The following TPO variants were observed in gnomAD, a reference collection of about 807,000 sequenced individuals.
The protein encoded by TPO is thyroid peroxidase, also known as thyroid microsomal antigen.
Under a neutral mutation model 96.9 loss-of-function variants are expected in TPO, and 78 were observed. That is an observed-to-expected ratio of 0.81 (90% confidence interval 0.67 to 0.97). The LOEUF (loss-of-function observed/expected upper bound fraction) is 0.97. TPO is among the 50% of genes least tolerant of loss of function. The pLI is 0.00. For missense variants in TPO, 1,252 were observed against 1,274.8 expected (o/e 0.98, Z 0.27); for synonymous variants, 547 against 538.0 (o/e 1.02, Z -0.23).
At chr2:1,514,871 G>A (rs1674520812) in intron 14 of TPO, among the ~76,000 whole-genome samples, 1 of 152,230 alleles carries the variant, frequency 6.6e-6, no homozygotes, top group Non-Finnish European at 1.5e-5. Flanking sequence ...ACATGGAGCT[G>A]CTTACGTCCC....
At chr2:1,515,048 A>G (rs1275837393) in intron 14 of TPO, among the ~76,000 whole-genome samples, 1 of 152,180 alleles carries the variant, frequency 6.6e-6, no homozygotes, top group Non-Finnish European at 1.5e-5. Context: ...TCTCAGAACC[A>G]AATCCAGCCG....
chr2:1,471,699 C>T (rs916074614), intron 7 of TPO, among the ~76,000 whole-genome samples: 1 of 152,246 alleles, frequency 6.6e-6, no homozygotes, highest in East Asian at 1.9e-4. Context: ...ATTTGACTCC[C>T]AAATGTTGAT....
At chr2:1,442,073 C>T (rs1343434040) in intron 5 of TPO, among the ~76,000 whole-genome samples, 1 of 152,214 alleles carries the variant, frequency 6.6e-6, no homozygotes, top group Admixed American at 6.5e-5. Flanking sequence ...TTTCTGCCTG[C>T]CGCCATCCAT....
chr2:1,455,983 G>A, intron 6 of TPO, 93 bp from the exon 7 acceptor site: 1 of 1,319,492 alleles, frequency 7.6e-7, no homozygotes. Context: ...CTGTGAACAA[G>A]AACCACACCA....
chr2:1,478,284 TC>T (rs1402635176), intron 8 of TPO: 1 of 985,326 alleles, frequency 1.0e-6, no homozygotes, highest in Non-Finnish European at 1.2e-6. Context: ...TCTAGGGGTC[TC>T]ACAGGTTGTT....
rs778544908 is a variant in TPO, at chr2:1,493,829, G to A, written c.1796G>A (p.Gly599Asp). The change falls in exon 11 of 17, where the codon GGC becomes GAC. Residue 599 changes from glycine to aspartate, a missense_variant. Gly to Asp is a moderately conservative substitution (Grantham distance 94). Coordinates refer to ENST00000329066, the MANE Select transcript of TPO (RefSeq NM_001206744.2). ...TACAATGAGTGGAGGGAGTTCTGCG[G>A]CCTGCCTCGCCTGGAGACCCCCGCT... The part of the protein sequence containing the change: ...PGYNEWREFC[G>D]LPRLETPADL... 6.8e-6 allele frequency: 11 copies of A among 1,614,100 alleles called. No individual in the cohort carries two copies. The South Asian group carries it at 1.2e-4, about 18-fold the overall frequency.
chr2:1,448,423 C>T (rs1422759062), intron 5 of TPO, among the ~76,000 whole-genome samples: 2 of 152,180 alleles, frequency 1.3e-5, no homozygotes, highest in East Asian at 3.9e-4. Flanking sequence ...GAGTCACTTC[C>T]GTGACTCTCT....
chr2:1,496,133 C>CTT lies in TPO; in HGVS notation c.2153_2154dup (p.Glu719LeufsTer10), dbSNP rs1672307870. The CTT allele has an allele frequency of 6.2e-7, 1 of 1,614,026 alleles. No homozygotes were observed. The highest frequency in any genetic ancestry group is 8.5e-7 in the Non-Finnish European group (1 of 1,180,032). ...TCCAAGTCGGCAAATTCCCCGAAGA[C>CTT]TTTGAGTCTTGTGACAGCATCACTG... On this transcript the variant is annotated frameshift_variant, in exon 12 of 17. Coordinates refer to ENST00000329066, the MANE Select transcript of TPO (RefSeq NM_001206744.2). LOFTEE classifies it high-confidence loss of function.
In TPO at chr2:1,493,209, T is replaced by TTG. The variant is rs1553321276; in HGVS notation, c.1769-593_1769-592insTG. ...ATTTGTGTGTGTGTGTGTGAGTGGG[T>TTG]GGGGGGGGGGGTGCTGGCTTCTGTG... On this transcript the variant is annotated intron_variant, in intron 10 of 16. Transcript: ENST00000329066. Among the ~76,000 whole-genome samples, 128 of 17,532 alleles carry TTG rather than the reference T, an allele frequency of 7.3e-3. 1 individual carries two copies. Among genetic ancestry groups the TTG allele is most frequent in the Middle Eastern group, 0.029 (1 of 34 alleles). 11.5% of individuals were successfully genotyped at this position (17,532 alleles called of 152,430 possible).
intron 9 of TPO, among the ~76,000 whole-genome samples, chr2:1,485,264 C>T (rs1483217634): frequency 6.6e-6 from 1 of 152,094 alleles, no homozygotes; most frequent in Non-Finnish European, 1.5e-5. Flanking sequence ...CATAGTATTC[C>T]TTGGTGTATA....
At chr2:1,407,297 G>A (rs1207128933) in intron 1 of TPO, among the ~76,000 whole-genome samples, 1 of 152,160 alleles carries the variant, frequency 6.6e-6, no homozygotes, top group Non-Finnish European at 1.5e-5. Flanking sequence ...TGGGGAAAGT[G>A]CCAAAACCTG....
rs570731709 is a variant in TPO, at chr2:1,542,586, C to A, written c.*112C>A. 17 of 1,565,224 alleles carry A rather than the reference C, an allele frequency of 1.1e-5. No homozygotes were observed. Among genetic ancestry groups the A allele is most frequent in the South Asian group, 3.5e-5 (3 of 85,246 alleles). ...CAGCAGGACGACTGTTTTCCCAACA[C>A]GGGTAAATCTAGTACCATGTCGTAG... On this transcript the variant is annotated 3_prime_UTR_variant, in exon 17 of 17. Coordinates refer to ENST00000329066, the MANE Select transcript of TPO (RefSeq NM_001206744.2).
intron 13 of TPO, chr2:1,503,744 G>A (rs921631831): frequency 1.9e-5 from 17 of 904,100 alleles, no homozygotes; most frequent in Admixed American, 4.0e-5. Flanking sequence ...CTCAGAGCCC[G>A]TGGCCAGCGC....
chr2:1,402,074 T>G (rs1039638392), intron 1 of TPO, among the ~76,000 whole-genome samples: 41 of 152,136 alleles, frequency 2.7e-4, no homozygotes, highest in African/African-American at 9.2e-4. Context: ...TGCACAGACT[T>G]CAGGATGAAA....
At chr2:1,437,370 A>G (rs1402489714) in intron 5 of TPO, among the ~76,000 whole-genome samples, 5 of 152,150 alleles carry the variant, frequency 3.3e-5, no homozygotes, top group Non-Finnish European at 7.3e-5. Flanking sequence ...CAGGCAGCAA[A>G]GGTGCTTAGC....
intron 1 of TPO, among the ~76,000 whole-genome samples, chr2:1,385,808 G>A (rs1465517764): frequency 6.6e-6 from 1 of 151,748 alleles, no homozygotes; most frequent in Non-Finnish European, 1.5e-5. Context: ...GTGATGTTAG[G>A]GTGTCAATTT....
At chr2:1,385,727 G>A (rs1384756240) in intron 1 of TPO, among the ~76,000 whole-genome samples, 2 of 151,528 alleles carry the variant, frequency 1.3e-5, no homozygotes, top group Non-Finnish European at 1.5e-5. Context: ...GTTCTGCTCT[G>A]ATCTTAGTTA....
rs1673174076 is a variant in TPO at position 1,504,186 on chromosome 2, G to T, written c.2518+107G>T. Reference sequence around the variant, plus strand: ...TGTCAATCACCATCTTGATTGGGAAGGGCGGAGATGAATAAGACACCAAGC... The same window carrying T: ...TGTCAATCACCATCTTGATTGGGAATGGCGGAGATGAATAAGACACCAAGC... On this transcript the variant is annotated intron_variant, in intron 14 of 16. Transcript: ENST00000329066. 3 of 1,583,958 alleles carry T rather than the reference G, an allele frequency of 1.9e-6. No homozygotes were observed. The East Asian group carries it at 6.7e-5, about 35-fold the overall frequency.
At chr2:1,453,174 C>T (rs1667465351) in intron 5 of TPO, among the ~76,000 whole-genome samples, 1 of 152,126 alleles carries the variant, frequency 6.6e-6, no homozygotes, top group Non-Finnish European at 1.5e-5. Context: ...TTTGACAACC[C>T]GCTCACTTCT....
Sources: gnomAD v4.1 joint callset for allele counts (sites outside exome capture counted in the v4.1 genomes callset) on GRCh38, gnomAD v4.1.1 for gene constraint, MANE v1.5 for transcripts, NCBI Gene and HGNC (gene_info 2026-07-23, HGNC 2026-07-21) for gene names.